Variants in TBC1D16 observed in about 807,000 individuals in gnomAD.
TBC1D16 encodes CTD-2529O21.1.
In TBC1D16, 58 loss-of-function variants were observed where a neutral mutation model predicts 74.7. The observed-to-expected ratio is 0.78, with a 90% CI of 0.63 to 0.97. The LOEUF is 0.97. Among genes scored for constraint, TBC1D16 ranks in the 50% least tolerant of loss-of-function variants. The pLI is 0.00. For synonymous variants in TBC1D16, 493 were observed against 474.7 expected (o/e 1.04, Z -0.50); for missense variants, 1,014 against 1,079.5 (o/e 0.94, Z 0.85).
chr17:79,960,793 A>C (rs1568590755), intron 3 of TBC1D16, among the ~76,000 whole-genome samples: 13 of 144,304 alleles, frequency 9.0e-5, no homozygotes, highest in Middle Eastern at 3.5e-3. Flanking sequence ...AAAAAAAAAA[A>C]AAAAAAAAAA....
intron 3 of TBC1D16, among the ~76,000 whole-genome samples, chr17:80,002,248 G>A (rs997653234): frequency 2.6e-5 from 4 of 152,324 alleles, no homozygotes; most frequent in Non-Finnish European, 4.4e-5. Context: ...TGTCCTCTGT[G>A]CCGTGTAGGA....
intron 8 of TBC1D16, 34 bp downstream of exon 8, chr17:79,948,838 C>G: frequency 1.2e-6 from 2 of 1,613,378 alleles, no homozygotes; most frequent in East Asian, 2.2e-5. Flanking sequence ...TGCAGACTTG[C>G]AGATGGGAAA....
rs952783967 is a variant in TBC1D16 at position 79,986,816 on chromosome 17, G to C, written c.779+23344C>G. ...AGATGACACCTCCGATCAGGTCCAC[G>C]GGAAGATGGGGGTGAACGAGAAGCC... On this transcript the variant is annotated intron_variant, in intron 3 of 11. Transcript: ENST00000310924. The surrounding 1 kb of genome is among the most constrained non-coding windows in gnomAD (Gnocchi z 6.0). 6.6e-5 allele frequency among the ~76,000 whole-genome samples: 10 copies of C among 152,200 alleles called. No individual in the cohort carries two copies. Among genetic ancestry groups the C allele is most frequent in the Non-Finnish European group, 1.2e-4 (8 of 68,032 alleles).
rs943694720 is a variant in TBC1D16, at chr17:79,941,761, C to T, written c.2055+299G>A. Reference sequence around the variant, plus strand: ...CCCAGGGTAGGGAACCTGTCCTGTCCGTCAGCCCCGGTGAATTCGTTCCCT... The same window carrying T: ...CCCAGGGTAGGGAACCTGTCCTGTCTGTCAGCCCCGGTGAATTCGTTCCCT... On this transcript the variant is annotated intron_variant, in intron 11 of 11. Transcript: ENST00000310924. This position sits in a 1 kb window ranked among gnomAD's most constrained non-coding sequence, Gnocchi z 4.3. Among the ~76,000 whole-genome samples, 3 of 152,182 alleles carry T rather than the reference C, an allele frequency of 2.0e-5. No individual in the cohort carries two copies. Among genetic ancestry groups the T allele is most frequent in the Admixed American group, 6.5e-5 (1 of 15,284 alleles).
chr17:79,981,957 G>A lies in TBC1D16; in HGVS notation c.779+28203C>T, dbSNP rs1270056359. On this transcript the variant is annotated intron_variant, in intron 3 of 11. Transcript: ENST00000310924. The surrounding 1 kb of genome is among the most constrained non-coding windows in gnomAD (Gnocchi z 6.9). ...CACATGCACATGTATTAAAGCAAAAGTGAGATTGTGCTGTCAACATTGTGT... is the reference window on the plus strand; with the variant it reads ...CACATGCACATGTATTAAAGCAAAAATGAGATTGTGCTGTCAACATTGTGT... Among the ~76,000 whole-genome samples the A allele has an allele frequency of 6.6e-6, 1 of 152,192 alleles. No homozygotes were observed. Among genetic ancestry groups the A allele is most frequent in the Non-Finnish European group, 1.5e-5 (1 of 68,032 alleles).
At position 79,993,903 on chromosome 17, in the gene TBC1D16, G is replaced by C. The variant is rs1033043983; in HGVS notation, c.779+16257C>G. On this transcript the variant is annotated intron_variant, in intron 3 of 11. Transcript: ENST00000310924. This position sits in a 1 kb window ranked among gnomAD's most constrained non-coding sequence, Gnocchi z 5.1. ...CCCAGCCCCCATGCAACCACCGGCC[G>C]GGGTTGCGTCAAGGCCTCCCGGAGC... Among the ~76,000 whole-genome samples, 1 of 152,128 alleles carries C rather than the reference G, an allele frequency of 6.6e-6. No homozygotes were observed. The highest frequency in any genetic ancestry group is 2.4e-5 in the African/African-American group (1 of 41,436).
At chr17:79,998,125 C>CAAAAAAAAAAAAAAAA (rs901486919) in intron 3 of TBC1D16, among the ~76,000 whole-genome samples, 4 of 51,860 alleles carry the variant, frequency 7.7e-5, no homozygotes, top group East Asian at 5.1e-4. Context: ...AACTCTGTCT[C>CAAAAAAAAAAAAAAAA]AAAAAAAAAA....
intron 1 of TBC1D16, among the ~76,000 whole-genome samples, chr17:80,026,938 A>T (rs1490439207): frequency 7.0e-6 from 1 of 143,806 alleles, no homozygotes; most frequent in Non-Finnish European, 1.5e-5. Flanking sequence ...TCTCATCAGT[A>T]CACGAACAGA....
Sources: allele counts gnomAD v4.1 joint callset (sites outside exome capture counted in the v4.1 genomes callset), GRCh38; gene constraint gnomAD v4.1.1; non-coding constraint Gnocchi (gnomAD v3.1); transcripts MANE v1.5; gene names NCBI Gene and HGNC (gene_info 2026-07-23, HGNC 2026-07-21).